The following FOXN3 variants were observed in gnomAD, a reference collection of about 807,000 sequenced individuals.
FOXN3 encodes the protein forkhead box N3.
A neutral mutation model predicts 38.4 loss-of-function variants in FOXN3; 7 were observed. The observed-to-expected ratio is 0.18, with a 90% CI of 0.10 to 0.34. The LOEUF (loss-of-function observed/expected upper bound fraction) is 0.34, where lower values mean the gene tolerates loss of function less well. Among genes scored for constraint, FOXN3 ranks in the 10% least tolerant of loss-of-function variants. The pLI is 1.00. For synonymous variants in FOXN3, 230 were observed against 242.2 expected (o/e 0.95, Z 0.47); for missense variants, 456 against 613.4 (o/e 0.74, Z 2.71).
intron 5 of FOXN3, among the ~76,000 whole-genome samples, chr14:89,180,035 G>A (rs1381825184): frequency 1.3e-5 from 2 of 152,242 alleles, no homozygotes; most frequent in East Asian, 3.8e-4. Flanking sequence ...AGTGGGTGTA[G>A]AAGCAGCTGG....
At chr14:89,422,538 G>C (rs1390795285) in intron 1 of FOXN3, among the ~76,000 whole-genome samples, 2 of 152,220 alleles carry the variant, frequency 1.3e-5, no homozygotes, top group Non-Finnish European at 2.9e-5. Flanking sequence ...ATCATGGGTT[G>C]ACTAAGAGTC....
rs575185873 is a variant in FOXN3 at position 89,533,917 on chromosome 14, G to C, written c.-15+85111C>G. Among the ~76,000 whole-genome samples, 8 of 151,714 alleles carry C rather than the reference G, an allele frequency of 5.3e-5. No homozygotes were observed. The East Asian group carries it at 1.6e-3, about 29-fold the overall frequency. On this transcript the variant is annotated intron_variant, in intron 1 of 6. Transcript: ENST00000345097. ...GTTCTTCTTTCTTTGGTTGCTTTTT[G>C]CTTGACTGGTTTTTGGCTTTGTTTT...
intron 1 of FOXN3, among the ~76,000 whole-genome samples, chr14:89,530,479 A>G (rs1894534533): frequency 6.6e-6 from 1 of 152,108 alleles, no homozygotes; most frequent in Admixed American, 6.5e-5. Context: ...ATTACCTCCC[A>G]CCAGGTCCCT....
At chr14:89,528,797 G>A (rs1894492254) in intron 1 of FOXN3, among the ~76,000 whole-genome samples, 2 of 152,062 alleles carry the variant, frequency 1.3e-5, no homozygotes, top group Admixed American at 1.3e-4. Flanking sequence ...TAAAATTCTA[G>A]ACAGTGCAAA....
chr14:89,301,325 A>C (rs1412272955), intron 3 of FOXN3, among the ~76,000 whole-genome samples: 1 of 151,228 alleles, frequency 6.6e-6, no homozygotes, highest in African/African-American at 2.4e-5. Flanking sequence ...AAAAAAAAAA[A>C]ATTAGCCAGG....
At chr14:89,447,518 C>G (rs1892528073) in intron 1 of FOXN3, among the ~76,000 whole-genome samples, 1 of 152,130 alleles carries the variant, frequency 6.6e-6, no homozygotes, top group South Asian at 2.1e-4. Flanking sequence ...TGAACTTTCA[C>G]CAGCCCTCCC....
intron 4 of FOXN3, among the ~76,000 whole-genome samples, chr14:89,279,439 G>T (rs988175545): frequency 6.6e-6 from 1 of 152,128 alleles, no homozygotes; most frequent in Non-Finnish European, 1.5e-5. Context: ...AATAAAAATC[G>T]TGAGAAAAGG....
intron 2 of FOXN3, among the ~76,000 whole-genome samples, chr14:89,386,930 T>C (rs1459987739): frequency 6.6e-6 from 1 of 152,152 alleles, no homozygotes; most frequent in Non-Finnish European, 1.5e-5. Flanking sequence ...CAACCTTAAT[T>C]AGCTCCACAT....
chr14:89,342,261 A>T (rs1888638582), intron 3 of FOXN3, among the ~76,000 whole-genome samples: 1 of 152,220 alleles, frequency 6.6e-6, no homozygotes, highest in Non-Finnish European at 1.5e-5. Flanking sequence ...TTTCAAAGTG[A>T]GTGTGAAAAC....
At chr14:89,470,840 G>T (rs1386462131) in intron 1 of FOXN3, among the ~76,000 whole-genome samples, 1 of 152,190 alleles carries the variant, frequency 6.6e-6, no homozygotes, top group African/African-American at 2.4e-5. Context: ...CCAAGTCAAG[G>T]AAAGCAAAAG....
In FOXN3 at chr14:89,360,740, CACCACCTCCACCACCACCTCCACCACT is replaced by C. The variant is rs1555421111; in HGVS notation, c.544-9959_544-9933del. Among the ~76,000 whole-genome samples, 265 of 119,608 alleles carry C rather than the reference CACCACCTCCACCACCACCTCCACCACT, an allele frequency of 2.2e-3. 5 individuals are homozygous for C. Among genetic ancestry groups the C allele is most frequent in the African/African-American group, 5.0e-3 (134 of 26,608 alleles). The allele number at this position is 119,608 out of a possible 152,430, so 78.5% of individuals were successfully genotyped here. A position where few individuals can be genotyped will look rare whatever the true frequency, so the allele number is the denominator to read the frequency against. ...CTACCTCCACCACCACCACCTCCAG[CACCACCTCCACCACCACCTCCACCACT>C]ACCACCTCCACCACCACCTCCACCA... is the stretch of plus-strand genomic sequence containing the variant. On this transcript the variant is annotated intron_variant, in intron 2 of 5. Transcript: ENST00000557258.
At chr14:89,305,648 A>C (rs1887348362) in intron 3 of FOXN3, among the ~76,000 whole-genome samples, 1 of 152,226 alleles carries the variant, frequency 6.6e-6, no homozygotes, top group African/African-American at 2.4e-5. Context: ...ACCATGAAGC[A>C]TGCTTCCTCC....
intron 4 of FOXN3, among the ~76,000 whole-genome samples, chr14:89,200,096 A>T (rs1309199679): frequency 6.6e-6 from 1 of 152,142 alleles, no homozygotes; most frequent in Non-Finnish European, 1.5e-5. Flanking sequence ...ACAAACAAAC[A>T]AACAAACACA....
At chr14:89,355,477 TC>T (rs1387161630) in intron 2 of FOXN3, among the ~76,000 whole-genome samples, 1 of 152,146 alleles carries the variant, frequency 6.6e-6, no homozygotes, top group Admixed American at 6.6e-5. Context: ...CCTCAGGTGA[TC>T]CGTCTGCCTT....
At chr14:89,544,786 G>A (rs1407858218) in intron 1 of FOXN3, among the ~76,000 whole-genome samples, 3 of 152,176 alleles carry the variant, frequency 2.0e-5, no homozygotes, top group Non-Finnish European at 4.4e-5. Context: ...AGTATATACA[G>A]TGTAGAAATG....
chr14:89,169,877 A>G (rs1887343582), intron 5 of FOXN3, among the ~76,000 whole-genome samples: 1 of 152,224 alleles, frequency 6.6e-6, no homozygotes, highest in Non-Finnish European at 1.5e-5. Context: ...AAACGAGATG[A>G]TAGAACCAAA....
intron 3 of FOXN3, among the ~76,000 whole-genome samples, chr14:89,291,870 C>T (rs1017597836): frequency 2.6e-5 from 4 of 152,172 alleles, no homozygotes; most frequent in Non-Finnish European, 4.4e-5. Flanking sequence ...AGATGCTCAG[C>T]AGTCTTCCTG....
intron 5 of FOXN3, among the ~76,000 whole-genome samples, chr14:89,166,127 A>AT (rs1439466084): frequency 3.3e-5 from 5 of 152,146 alleles, no homozygotes. Context: ...AAGTTTGAAC[A>AT]TTTTTTAAAT....
intron 1 of FOXN3, among the ~76,000 whole-genome samples, chr14:89,467,077 C>T (rs897459662): frequency 2.0e-5 from 3 of 152,196 alleles, no homozygotes; most frequent in Non-Finnish European, 2.9e-5. Flanking sequence ...CAATCCAGGA[C>T]GGAGCCTGCT....
Sources: gnomAD v4.1 joint callset for allele counts (sites outside exome capture counted in the v4.1 genomes callset) on GRCh38, gnomAD v4.1.1 for gene constraint, MANE v1.5 for transcripts, NCBI Gene and HGNC (gene_info 2026-07-23, HGNC 2026-07-21) for gene names.